NBAS: variants seen among roughly 807,000 people sequenced by gnomAD.
NBAS encodes the protein NBAS subunit of NRZ tethering complex, also known as NAG/BC035112 fusion.
A neutral mutation model predicts 302.5 loss-of-function variants in NBAS; 219 were observed. The observed-to-expected ratio is 0.72, with a 90% CI of 0.65 to 0.81. The LOEUF (loss-of-function observed/expected upper bound fraction) is 0.81. NBAS is among the 30% of genes least tolerant of loss of function. The pLI, the probability that NBAS is intolerant of heterozygous loss-of-function variation, is 0.00. For synonymous variants in NBAS, 1,118 were observed against 1,021.6 expected (o/e 1.09, Z -1.80); for missense variants, 2,932 against 2,841.6 (o/e 1.03, Z -0.72).
At chr2:15,028,511 GC>G in the NBAS span, among the ~76,000 whole-genome samples, 1 of 152,162 alleles carries the variant, frequency 6.6e-6, no homozygotes, top group Non-Finnish European at 1.5e-5. Flanking sequence ...TCATTTTCCT[GC>G]TTAAAACTTT....
chr2:15,048,011 T>G, the NBAS span, among the ~76,000 whole-genome samples: 2 of 146,378 alleles, frequency 1.4e-5, no homozygotes, highest in Non-Finnish European at 3.0e-5. Flanking sequence ...TGTTTAAGTT[T>G]GCGTTCAGCA....
At chr2:15,473,147 TA>T in intron 16 of NBAS, 74 bp downstream of exon 16, 1 of 1,529,582 alleles carries the variant, frequency 6.5e-7, no homozygotes, top group Non-Finnish European at 9.0e-7. Flanking sequence ...TAAAGTACTC[TA>T]AAATGAAGCC....
At chr2:15,302,117 G>A (rs115731818) in intron 40 of NBAS, among the ~76,000 whole-genome samples, 5,116 of 152,344 alleles carry the variant, frequency 0.034, 118 homozygotes, top group Non-Finnish European at 0.053. Context: ...TGAGAACACA[G>A]GGTGGAGAGA....
chr2:15,356,797 T>C (rs2148313686), intron 32 of NBAS, among the ~76,000 whole-genome samples: 1 of 152,270 alleles, frequency 6.6e-6, no homozygotes, highest in African/African-American at 2.4e-5. Flanking sequence ...GCAGATTAAG[T>C]GAACGGATGA....
At chr2:15,002,152 T>C in the NBAS span, among the ~76,000 whole-genome samples, 1 of 152,048 alleles carries the variant, frequency 6.6e-6, no homozygotes, top group East Asian at 1.9e-4. Flanking sequence ...AGTAGCTAGA[T>C]ACAGTGTTGA....
chr2:15,159,772 T>A, the NBAS span, among the ~76,000 whole-genome samples: 3,752 of 148,680 alleles, frequency 0.025, 153 homozygotes, highest in African/African-American at 0.086. Context: ...ATGTTATGCA[T>A]TTTTTACCAG....
chr2:15,363,799 G>C (rs1482357036), intron 32 of NBAS, among the ~76,000 whole-genome samples: 1 of 152,156 alleles, frequency 6.6e-6, no homozygotes, highest in Admixed American at 6.5e-5. Flanking sequence ...ATTCCAATCT[G>C]AGCAGGTGGA....
intron 38 of NBAS, among the ~76,000 whole-genome samples, chr2:15,312,713 T>A (rs1671335888): frequency 6.6e-6 from 1 of 152,178 alleles, no homozygotes; most frequent in African/African-American, 2.4e-5. Context: ...TAATCATTCT[T>A]TACCCAATAA....
At chr2:15,468,058 G>T (rs1179227451) in intron 17 of NBAS, among the ~76,000 whole-genome samples, 1 of 152,164 alleles carries the variant, frequency 6.6e-6, no homozygotes, top group Non-Finnish European at 1.5e-5. Context: ...GAGATGTGGG[G>T]TTACATTCAC....
chr2:15,167,064 G>A lies in NBAS; in HGVS notation c.7100C>T (p.Ala2367Val). The A allele has an allele frequency of 6.3e-7, 1 of 1,589,154 alleles. No homozygotes were observed. The highest frequency in any genetic ancestry group is 8.6e-7 in the Non-Finnish European group (1 of 1,165,390). Reference protein sequence around the residue: ...FRTFSTALRAAQHWV With the variant: ...FRTFSTALRAVQHWV ...AGGTGGCCCTCACACCCAGTGCTGT[G>A]CTGCGCGGAGGGCTGTACTGAAGGT... Residue 2367 changes from alanine to valine, a missense_variant, in exon 52 of 52, where the codon GCA (alanine) becomes GTA (valine). Transcript: ENST00000281513.
the NBAS span, among the ~76,000 whole-genome samples, chr2:14,898,327 T>C: frequency 6.6e-6 from 1 of 152,182 alleles, no homozygotes; most frequent in African/African-American, 2.4e-5. Context: ...CTAGTAAGAC[T>C]TGAGAGGTGC....
chr2:15,056,588 C>T, the NBAS span, among the ~76,000 whole-genome samples: 11,076 of 152,160 alleles, frequency 0.073, 502 homozygotes, highest in East Asian at 0.21. Flanking sequence ...ATGCTATGCA[C>T]ACATGAGACA....
the NBAS span, among the ~76,000 whole-genome samples, chr2:14,857,594 A>T: frequency 6.6e-6 from 1 of 152,168 alleles, no homozygotes; most frequent in Non-Finnish European, 1.5e-5. Context: ...TCTTCAATAA[A>T]TGCTGCTGGG....
At chr2:15,051,946 T>G in the NBAS span, among the ~76,000 whole-genome samples, 3 of 152,204 alleles carry the variant, frequency 2.0e-5, no homozygotes, top group Admixed American at 2.0e-4. Flanking sequence ...ATGGAAGCTT[T>G]CTTTCTTTTC....
chr2:14,866,357 C>A, the NBAS span, among the ~76,000 whole-genome samples: 1 of 152,244 alleles, frequency 6.6e-6, no homozygotes, highest in South Asian at 2.1e-4. Flanking sequence ...TTTTTTCTCT[C>A]CAGCTGTCAG....
chr2:15,330,733 A>G lies in NBAS; in HGVS notation c.4212T>C (p.Ala1404=). ...DEVGVPGSNS[A]DLLRWTTATT... ...TAGCAGTGGTCCAGCGCAATAGGTC[A>G]GCTGAATTGCTACCTGGAACACCTA... The change falls in exon 36 of 52, where the codon GCT becomes GCC. Residue 1404 remains alanine, a synonymous_variant. Coordinates refer to ENST00000281513, the MANE Select transcript of NBAS (RefSeq NM_015909.4). The G allele has an allele frequency of 1.9e-6, 3 of 1,614,056 alleles. No homozygotes were observed. Among genetic ancestry groups the G allele is most frequent in the Non-Finnish European group, 2.5e-6 (3 of 1,179,938 alleles).
chr2:15,067,203 G>GGT, the NBAS span, among the ~76,000 whole-genome samples: 1 of 149,930 alleles, frequency 6.7e-6, no homozygotes, highest in African/African-American at 2.5e-5. Flanking sequence ...AAATTAGCCA[G>GGT]GTGTGGTGGT....
At chr2:15,397,835 C>G (rs1285926579) in intron 26 of NBAS, 5 of 183,666 alleles carry the variant, frequency 2.7e-5, no homozygotes. Flanking sequence ...TAAGCCCAAA[C>G]AAAAAATCTT....
chr2:15,243,254 G>A (rs893712557), intron 44 of NBAS, among the ~76,000 whole-genome samples: 1 of 152,118 alleles, frequency 6.6e-6, no homozygotes, highest in African/African-American at 2.4e-5. Flanking sequence ...TCCAGCCAGT[G>A]AAATCTGAGC....
Sources: allele counts gnomAD v4.1 joint callset (sites outside exome capture counted in the v4.1 genomes callset), GRCh38; gene constraint gnomAD v4.1.1; transcripts MANE v1.5; gene names NCBI Gene and HGNC (gene_info 2026-07-23, HGNC 2026-07-21).